Variants in DYSF observed in about 807,000 individuals in gnomAD.
DYSF encodes the protein dysferlin, also known as dystrophy-associated fer-1-like 1.
DYSF carries 212 observed loss-of-function variants against 274.9 expected under a neutral mutation model. The observed-to-expected ratio is 0.77, with a 90% CI of 0.69 to 0.86. The LOEUF (loss-of-function observed/expected upper bound fraction) is 0.86. Among genes scored for constraint, DYSF ranks in the 40% least tolerant of loss-of-function variants. The pLI is 0.00. For missense variants in DYSF, 2,666 were observed against 2,783.2 expected, an observed-to-expected ratio of 0.96 and a Z score of 0.95; for synonymous variants, 1,091 against 1,078.7, an observed-to-expected ratio of 1.01 and a Z score of -0.22.
chr2:71,610,195 A>G (rs2093724277), intron 36 of DYSF, among the ~76,000 whole-genome samples: 1 of 152,182 alleles, frequency 6.6e-6, no homozygotes, highest in Admixed American at 6.5e-5. Flanking sequence ...ACATGGAAGT[A>G]AAGAGTCTTA....
chr2:71,618,068 G>GT (rs1176250422), intron 40 of DYSF, among the ~76,000 whole-genome samples: 1 of 87,942 alleles, frequency 1.1e-5, no homozygotes, highest in Non-Finnish European at 2.4e-5. Context: ...GGTAGAGATG[G>GT]GGTGTGTGTG....
intron 1 of DYSF, among the ~76,000 whole-genome samples, chr2:71,475,182 C>T (rs1246373257): frequency 6.6e-6 from 1 of 152,232 alleles, no homozygotes; most frequent in African/African-American, 2.4e-5. Context: ...CCTTCCCCCA[C>T]ATGGCGCCTC....
chr2:71,618,926 CGCTGGG>C (rs200457866), intron 40 of DYSF, among the ~76,000 whole-genome samples: 3,124 of 151,728 alleles, frequency 0.021, 57 homozygotes, highest in African/African-American at 0.057. Context: ...GGCTCCCAGG[CGCTGGG>C]GCTGGGGCTA....
At chr2:71,629,648 C>T (rs1366959911) in intron 41 of DYSF, among the ~76,000 whole-genome samples, 1 of 152,142 alleles carries the variant, frequency 6.6e-6, no homozygotes, top group African/African-American at 2.4e-5. Flanking sequence ...TTTGGGTCCA[C>T]TAGTTAGTAT....
In DYSF at chr2:71,686,637, C is replaced by T. The variant is rs977895936; in HGVS notation, c.*145C>T. 16 of 917,802 alleles carry T rather than the reference C, an allele frequency of 1.7e-5. No individual in the cohort carries two copies. Among genetic ancestry groups the T allele is most frequent in the African/African-American group, 1.5e-4 (9 of 61,518 alleles). 56.9% of individuals were successfully genotyped at this position (917,802 alleles called of 1,614,324 possible). ...TGGGCAGACAGACAGATGGACCGGC[C>T]CACACTCCCAGAGTTGCTAACATGG... On this transcript the variant is annotated 3_prime_UTR_variant, in exon 56 of 56. Transcript: ENST00000410020.
Position 71,559,962 on chromosome 2 carries a change from C to T in DYSF, c.2217-1790C>T, listed in dbSNP as rs759423865. Reference sequence around the variant, plus strand: ...CAGGGTACAGGTATCCACCTGGCCCCGCAGAGGCAGGCAGGGACCTTGGGA... The same window carrying T: ...CAGGGTACAGGTATCCACCTGGCCCTGCAGAGGCAGGCAGGGACCTTGGGA... On this transcript the variant is annotated intron_variant, in intron 22 of 55. Coordinates refer to ENST00000410020, the MANE Select transcript of DYSF (RefSeq NM_001130987.2). Among the ~76,000 whole-genome samples, 85 of 152,320 alleles carry T rather than the reference C, an allele frequency of 5.6e-4. 1 individual carries two copies. The highest frequency in any genetic ancestry group is 1.0e-3 in the Admixed American group (16 of 15,304).
chr2:71,475,276 T>C (rs2082319336), intron 1 of DYSF, among the ~76,000 whole-genome samples: 1 of 152,164 alleles, frequency 6.6e-6, no homozygotes, highest in Non-Finnish European at 1.5e-5. Flanking sequence ...TCTATCCTCT[T>C]GTGAGGAAGT....
intron 53 of DYSF, among the ~76,000 whole-genome samples, 153 bp downstream of exon 53, chr2:71,679,388 C>T: frequency 1.3e-5 from 2 of 151,590 alleles, no homozygotes; most frequent in Non-Finnish European, 2.9e-5. Context: ...CTCTATTTTC[C>T]AAGGCATTCT....
chr2:71,622,130 G>GTTTTT (rs74263952), intron 41 of DYSF, among the ~76,000 whole-genome samples: 31 of 97,004 alleles, frequency 3.2e-4, no homozygotes, highest in South Asian at 7.1e-4. Context: ...TGATTTCTTT[G>GTTTTT]TTTTTTTTTT....
chr2:71,523,981 C>T (rs1216727081), intron 12 of DYSF, among the ~76,000 whole-genome samples: 1 of 152,180 alleles, frequency 6.6e-6, no homozygotes, highest in East Asian at 1.9e-4. Context: ...TTGCCCTCAG[C>T]CTAGTTTCCC....
intron 42 of DYSF, among the ~76,000 whole-genome samples, chr2:71,655,480 A>G (rs186160757): frequency 3.3e-4 from 51 of 152,370 alleles, no homozygotes; most frequent in Admixed American, 1.5e-3. Context: ...GGTACATTTT[A>G]TCAGCATAAT....
chr2:71,674,302 C>A lies in DYSF; in HGVS notation c.5884+6C>A. 2 of 1,613,752 alleles carry A rather than the reference C, an allele frequency of 1.2e-6. No individual in the cohort carries two copies. The highest frequency in any genetic ancestry group is 1.1e-5 in the South Asian group (1 of 91,078). On this transcript the variant is annotated splice_donor_region_variant and intron_variant, in intron 52 of 55. Transcript: ENST00000410020. ...CTCCTTTGATGATTTTCTGGGTAAGCGCTATTGCTAGAATCCCATTCTGCA... is the reference window on the plus strand; with the variant it reads ...CTCCTTTGATGATTTTCTGGGTAAGAGCTATTGCTAGAATCCCATTCTGCA...
At chr2:71,547,271 A>G (rs186306120) in intron 17 of DYSF, among the ~76,000 whole-genome samples, 1 of 152,356 alleles carries the variant, frequency 6.6e-6, no homozygotes, top group Non-Finnish European at 1.5e-5. Context: ...CTAAGACACC[A>G]ACAGGGCTGT....
intron 14 of DYSF, among the ~76,000 whole-genome samples, chr2:71,533,782 G>C (rs913187766): frequency 6.6e-6 from 1 of 152,218 alleles, no homozygotes; most frequent in South Asian, 2.1e-4. Context: ...TGGTCTATCA[G>C]ACTTTAGAGA....
Position 71,581,453 on chromosome 2 carries a change from A to T in DYSF, c.3402+7082A>T, listed in dbSNP as rs191820972. ...TTCCTGTGTTCCGTTCTGTCTTTTA[A>T]AGGGTTCCCCTCCTTTGGCCTGGGC... On this transcript the variant is annotated intron_variant, in intron 30 of 55. Transcript: ENST00000410020. 6.2e-4 allele frequency among the ~76,000 whole-genome samples: 94 copies of T among 152,316 alleles called. 1 individual carries two copies. The highest frequency in any genetic ancestry group is 3.5e-4 in the Non-Finnish European group (24 of 68,026).
chr2:71,613,803 A>G (rs556206693), intron 40 of DYSF, among the ~76,000 whole-genome samples: 90 of 152,148 alleles, frequency 5.9e-4, no homozygotes, highest in Non-Finnish European at 9.1e-4. Flanking sequence ...TATCTGGGAC[A>G]GGCCCCTTCT....
rs1200662888 is a variant in DYSF, at chr2:71,617,564, ATGTGGTAGAGGTGGTGTGTGTGTG to A, written c.4465-2959_4465-2936del. 1.5e-4 allele frequency among the ~76,000 whole-genome samples: 22 copies of A among 150,566 alleles called. 1 individual carries two copies. In the South Asian group the frequency reaches 2.5e-3, roughly 17 times the overall value. The stretch of plus-strand genomic sequence containing the variant: ...GGTACGTGTGTGTATGTATGAGTGT[ATGTGGTAGAGGTGGTGTGTGTGTG>A]TGTGGTAGAGGTGGTGTGTGTGTAT... On this transcript the variant is annotated intron_variant, in intron 40 of 55. Transcript: ENST00000410020.
intron 22 of DYSF, 51 bp downstream of exon 22, chr2:71,556,122 C>T (rs2091321609): frequency 6.8e-7 from 1 of 1,465,114 alleles, no homozygotes; most frequent in East Asian, 2.5e-5. Context: ...CTCAACTGGG[C>T]CTGTTTCGCT....
At chr2:71,531,864 G>A in intron 14 of DYSF, among the ~76,000 whole-genome samples, 1 of 152,220 alleles carries the variant, frequency 6.6e-6, no homozygotes, top group African/African-American at 2.4e-5. Flanking sequence ...ATATTAAAAA[G>A]TAAGGTGTCC....
Sources: allele counts gnomAD v4.1 joint callset (sites outside exome capture counted in the v4.1 genomes callset), GRCh38; gene constraint gnomAD v4.1.1; transcripts MANE v1.5; gene names NCBI Gene and HGNC (gene_info 2026-07-23, HGNC 2026-07-21).